CYSLTR2: variants seen among roughly 807,000 people sequenced by gnomAD.
CYSLTR2 encodes the protein G-protein coupled receptor GPCR21.
For synonymous variants in CYSLTR2, 179 were observed against 160.8 expected, an observed-to-expected ratio of 1.11 and a Z score of -0.86; for missense variants, 398 against 411.9, an observed-to-expected ratio of 0.97 and a Z score of 0.29.
intron 1 of CYSLTR2, among the ~76,000 whole-genome samples, chr13:48,687,080 T>G (rs933433600): frequency 1.3e-5 from 2 of 151,976 alleles, no homozygotes; most frequent in Admixed American, 1.3e-4. Flanking sequence ...AGCTGGGACA[T>G]TCTTCTCCTT....
In CYSLTR2 at chr13:48,707,911, T is replaced by C. The variant is rs1179698086; in HGVS notation, c.*53T>C. 12 of 1,387,046 alleles carry C rather than the reference T, an allele frequency of 8.7e-6. No individual in the cohort carries two copies. The highest frequency in any genetic ancestry group is 1.1e-5 in the Non-Finnish European group (11 of 1,033,514). The allele number at this position is 1,387,046 out of a possible 1,614,324, so 85.9% of individuals were successfully genotyped here. A position where few individuals can be genotyped will look rare whatever the true frequency, so the allele number is the denominator to read the frequency against. ...TATCCTTGTGTCCATCTTCATTCAC[T>C]CATAGTCTCCAAATGACTTTGTATT... On this transcript the variant is annotated 3_prime_UTR_variant, in exon 5 of 5. Coordinates refer to ENST00000682523, the MANE Select transcript of CYSLTR2 (RefSeq NM_001308476.3).
chr13:48,655,935 T>C (rs1451176286), intron 1 of CYSLTR2, among the ~76,000 whole-genome samples: 1 of 152,214 alleles, frequency 6.6e-6, no homozygotes, highest in African/African-American at 2.4e-5. Context: ...CTATTCTGTA[T>C]CCAGTTAAAT....
chr13:48,664,142 G>A (rs1953200110), intron 1 of CYSLTR2, among the ~76,000 whole-genome samples: 1 of 151,998 alleles, frequency 6.6e-6, no homozygotes, highest in Admixed American at 6.6e-5. Context: ...ATTTGCATAT[G>A]TCGAACCATC....
At chr13:48,694,833 T>G (rs1318129385) in intron 3 of CYSLTR2, 2 of 152,118 alleles carry the variant, frequency 1.3e-5, no homozygotes, top group Non-Finnish European at 2.9e-5. Flanking sequence ...GAAGGGGAGC[T>G]TCCCTAAGTG....
rs117474093 is a variant in CYSLTR2 at position 48,680,190 on chromosome 13, C to A, written c.-265-11022C>A. ...TGAGTCAATGTGTCTTCAGACTCTG[C>A]GGGCAGGACACAGATTCAAATCTGG... On this transcript the variant is annotated intron_variant, in intron 1 of 4. Coordinates refer to ENST00000682523, the MANE Select transcript of CYSLTR2 (RefSeq NM_001308476.3). Among the ~76,000 whole-genome samples the A allele has an allele frequency of 3.7e-4, 57 of 152,228 alleles. No homozygotes were observed. In the East Asian group the frequency reaches 0.011, roughly 29 times the overall value.
rs191600080 is a variant in CYSLTR2, at chr13:48,698,836, G to A, written c.-2+2210G>A. ...AAAGGGATGGAGGAAGATCTACCAA[G>A]CAAATGGAAAACAAAAAAAAGCAGG... On this transcript the variant is annotated intron_variant, in intron 4 of 4. Transcript: ENST00000682523. Among the ~76,000 whole-genome samples, 594 of 152,090 alleles carry A rather than the reference G, an allele frequency of 3.9e-3. 3 individuals are homozygous for A. Among genetic ancestry groups the A allele is most frequent in the Non-Finnish European group, 5.7e-3 (389 of 67,976 alleles).
chr13:48,656,336 A>G (rs541237911), intron 1 of CYSLTR2, among the ~76,000 whole-genome samples: 16 of 152,312 alleles, frequency 1.1e-4, no homozygotes, highest in African/African-American at 3.6e-4. Context: ...CACAAATCTT[A>G]TTGTGATTGT....
At chr13:48,676,242 A>G (rs1191475620) in intron 1 of CYSLTR2, among the ~76,000 whole-genome samples, 2 of 152,214 alleles carry the variant, frequency 1.3e-5, no homozygotes, top group African/African-American at 4.8e-5. Context: ...CCCTGATTGT[A>G]CAGCTCCACT....
intron 1 of CYSLTR2, among the ~76,000 whole-genome samples, chr13:48,687,332 C>CATCTATCTATCTATCTATCTATCT: frequency 3.3e-5 from 5 of 151,978 alleles, no homozygotes; most frequent in African/African-American, 1.2e-4. Flanking sequence ...AATCTCCTCT[C>CATCTATCTATCTATCTATCTATCT]ATCTATCTAT....
chr13:48,707,576 G>A lies in CYSLTR2; in HGVS notation c.759G>A (p.Leu253=). 1 of 1,609,168 alleles carries A rather than the reference G, an allele frequency of 6.2e-7. No homozygotes were observed. The highest frequency in any genetic ancestry group is 1.1e-5 in the South Asian group (1 of 91,074). ...CACTGACCACCATCATCATCACCTT[G>A]ATCATCTTCTTCTTGTGTTTCCTGC... is the stretch of plus-strand genomic sequence containing the variant. ...RKALTTIIIT[L]IIFFLCFLPY... is the part of the protein sequence containing the mutation. Residue 253 remains leucine, a synonymous_variant, in exon 5 of 5, where the codon TTG becomes TTA. Transcript: ENST00000682523.
In CYSLTR2 at chr13:48,678,327, C is replaced by T. The variant is rs188759430; in HGVS notation, c.-265-12885C>T. Among the ~76,000 whole-genome samples, 182 of 152,014 alleles carry T rather than the reference C, an allele frequency of 1.2e-3. 2 individuals are homozygous for T. Among genetic ancestry groups the T allele is most frequent in the Middle Eastern group, 0.01 (3 of 294 alleles). On this transcript the variant is annotated intron_variant, in intron 1 of 4. Coordinates refer to ENST00000682523, the MANE Select transcript of CYSLTR2 (RefSeq NM_001308476.3). ...TGGGTCCACCTGTTACTTTTTATTC[C>T]CATTGAACACTCACTTCTCCTTAAA... is the stretch of plus-strand genomic sequence containing the variant.
In CYSLTR2 at chr13:48,709,704, G is replaced by A. The variant is rs774163748; in HGVS notation, c.*1846G>A. On this transcript the variant is annotated 3_prime_UTR_variant, in exon 5 of 5. Transcript: ENST00000682523. Reference sequence around the variant, plus strand: ...AAGGCACCAACAAATAAATGTGAGAGTAGATAGAGACCTTTTGAGTATAAA... The same window carrying A: ...AAGGCACCAACAAATAAATGTGAGAATAGATAGAGACCTTTTGAGTATAAA... The A allele has an allele frequency of 2.6e-5, 4 of 152,200 alleles. No individual in the cohort carries two copies. Among genetic ancestry groups the A allele is most frequent in the Admixed American group, 6.5e-5 (1 of 15,278 alleles). 9.4% of individuals were successfully genotyped at this position (152,200 alleles called of 1,614,324 possible). A position where few individuals can be genotyped will look rare whatever the true frequency, so the allele number is the denominator to read the frequency against.
chr13:48,700,700 T>C (rs1347263325), intron 4 of CYSLTR2, among the ~76,000 whole-genome samples: 1 of 152,156 alleles, frequency 6.6e-6, no homozygotes, highest in Admixed American at 6.5e-5. Flanking sequence ...TAAAGGGTAT[T>C]AAATTAGGAA....
intron 3 of CYSLTR2, chr13:48,694,524 A>C (rs1325890580): frequency 6.6e-6 from 1 of 152,250 alleles, no homozygotes; most frequent in African/African-American, 2.4e-5. Flanking sequence ...AAATAAACAC[A>C]TTGCTGACAG....
At chr13:48,680,766 G>A (rs1403139216) in intron 1 of CYSLTR2, among the ~76,000 whole-genome samples, 3 of 145,124 alleles carry the variant, frequency 2.1e-5, no homozygotes, top group Admixed American at 6.9e-5. Context: ...TCTAGCAGAC[G>A]ATTTTCTTTT....
Position 48,708,287 on chromosome 13 carries a change from G to T in CYSLTR2, c.*429G>T, listed in dbSNP as rs1245284542. 5.9e-6 allele frequency: 1 copy of T among 169,374 alleles called. No homozygotes were observed. The highest frequency in any genetic ancestry group is 1.4e-5 in the Non-Finnish European group (1 of 69,928). 10.5% of individuals were successfully genotyped at this position (169,374 alleles called of 1,614,324 possible). Reference sequence around the variant, plus strand: ...CGACGCTACTGGAAGCCCCAGAGCAGAAAAGAAGCACATCCTAAGATTCAG... The same window carrying T: ...CGACGCTACTGGAAGCCCCAGAGCATAAAAGAAGCACATCCTAAGATTCAG... On this transcript the variant is annotated 3_prime_UTR_variant, in exon 5 of 5. Transcript: ENST00000682523.
At chr13:48,702,682 C>G (rs1208253560) in intron 4 of CYSLTR2, among the ~76,000 whole-genome samples, 1 of 152,092 alleles carries the variant, frequency 6.6e-6, no homozygotes, top group East Asian at 1.9e-4. Context: ...ACCATACATT[C>G]TTAATTACTT....
At position 48,691,222 on chromosome 13, in the gene CYSLTR2, C is replaced by T. The variant is rs985176079; in HGVS notation, c.-255C>T. ...TGTTTGTTTTTTCAGTCTGAACCAA[C>T]AACAAGCAAAGTTAAATTATGGATA... On this transcript the variant is annotated 5_prime_UTR_variant, in exon 2 of 5. Coordinates refer to ENST00000682523, the MANE Select transcript of CYSLTR2 (RefSeq NM_001308476.3). 13 of 151,988 alleles carry T rather than the reference C, an allele frequency of 8.6e-5. No individual in the cohort carries two copies. Among genetic ancestry groups the T allele is most frequent in the Admixed American group, 4.6e-4 (7 of 15,244 alleles). The allele number at this position is 151,988 out of a possible 1,614,324, so 9.4% of individuals were successfully genotyped here.
intron 1 of CYSLTR2, 126 bp from the exon 2 acceptor site, chr13:48,691,086 T>A (rs1383018424): frequency 3.3e-5 from 5 of 152,116 alleles, no homozygotes; most frequent in African/African-American, 1.2e-4. Flanking sequence ...GAACTTATTT[T>A]ATATCTAGGT....
Sources: gnomAD v4.1 joint callset for allele counts (sites outside exome capture counted in the v4.1 genomes callset) on GRCh38, gnomAD v4.1.1 for gene constraint, MANE v1.5 for transcripts, NCBI Gene and HGNC (gene_info 2026-07-23, HGNC 2026-07-21) for gene names.